Variants in DPYD observed in about 807,000 individuals in gnomAD.
The protein encoded by DPYD is dihydropyrimidine dehydrogenase [NADP(+)].
DPYD carries 109 observed loss-of-function variants against 116.2 expected under a neutral mutation model. That is an observed-to-expected ratio of 0.94 (90% confidence interval 0.80 to 1.10). The LOEUF (loss-of-function observed/expected upper bound fraction) is 1.10. Ranked by LOEUF, DPYD falls within the 50% of genes least tolerant of loss-of-function variation. The probability of loss-of-function intolerance (pLI) is 0.00; values close to 1 mark genes in which losing one functional copy is unlikely to be tolerated. For synonymous variants in DPYD, 440 were observed against 432.0 expected, an observed-to-expected ratio of 1.02 and a Z score of -0.23; for missense variants, 1,302 against 1,254.5, an observed-to-expected ratio of 1.04 and a Z score of -0.57.
At chr1:97,496,265 G>GTA (rs1334097298) in intron 13 of DPYD, among the ~76,000 whole-genome samples, 2 of 151,882 alleles carry the variant, frequency 1.3e-5, no homozygotes, top group Non-Finnish European at 2.9e-5. Flanking sequence ...CTTCCTTACT[G>GTA]TATTACACTG....
intron 21 of DPYD, among the ~76,000 whole-genome samples, chr1:97,089,527 C>G (rs1431289337): frequency 6.6e-6 from 1 of 152,126 alleles, no homozygotes; most frequent in Non-Finnish European, 1.5e-5. Context: ...AGAAGGAAAT[C>G]TTTATACTCA....
intron 2 of DPYD, among the ~76,000 whole-genome samples, chr1:97,846,989 C>G (rs1301400878): frequency 6.6e-6 from 1 of 152,118 alleles, no homozygotes; most frequent in Admixed American, 6.6e-5. Flanking sequence ...GGATGGCTGC[C>G]CCAGGTATCA....
At chr1:97,838,748 G>C (rs1012033120) in intron 2 of DPYD, among the ~76,000 whole-genome samples, 1 of 152,196 alleles carries the variant, frequency 6.6e-6, no homozygotes, top group South Asian at 2.1e-4. Context: ...GGGAGGCTGA[G>C]GCAGGAGAAT....
chr1:97,485,440 GATCC>G (rs1210413904), intron 13 of DPYD, among the ~76,000 whole-genome samples: 1 of 152,188 alleles, frequency 6.6e-6, no homozygotes, highest in East Asian at 1.9e-4. Flanking sequence ...GAGCTCAGGT[GATCC>G]ACCCACCTTA....
intron 12 of DPYD, among the ~76,000 whole-genome samples, chr1:97,522,891 T>C (rs961657387): frequency 5.3e-5 from 8 of 152,284 alleles, no homozygotes; most frequent in African/African-American, 1.9e-4. Flanking sequence ...ATTTTTATCT[T>C]TAATAATTAT....
intron 3 of DPYD, among the ~76,000 whole-genome samples, chr1:97,771,335 G>A (rs1001155198): frequency 5.3e-5 from 8 of 152,188 alleles, no homozygotes; most frequent in South Asian, 2.1e-4. Flanking sequence ...TGCTGTTAGC[G>A]GCTGCATCAA....
chr1:97,267,102 C>T lies in DPYD; in HGVS notation c.2300-32108G>A, dbSNP rs552424914. 1.2e-4 allele frequency among the ~76,000 whole-genome samples: 18 copies of T among 152,236 alleles called. No individual in the cohort carries two copies. The South Asian group carries it at 3.7e-3, about 32-fold the overall frequency. ...TAGTTCTAGATCCTTGAGGAATTGCCACACTGTCTTCCACAATGGTTGAAC... is the reference window on the plus strand; with the variant it reads ...TAGTTCTAGATCCTTGAGGAATTGCTACACTGTCTTCCACAATGGTTGAAC... On this transcript the variant is annotated intron_variant, in intron 18 of 22. Coordinates refer to ENST00000370192, the MANE Select transcript of DPYD (RefSeq NM_000110.4).
chr1:97,151,762 C>A (rs371357664), intron 20 of DPYD, among the ~76,000 whole-genome samples: 1 of 152,042 alleles, frequency 6.6e-6, no homozygotes, highest in Non-Finnish European at 1.5e-5. Flanking sequence ...ATGCAATCAG[C>A]TATTAATACA....
intron 14 of DPYD, among the ~76,000 whole-genome samples, chr1:97,421,955 G>A (rs1022149062): frequency 8.5e-5 from 13 of 152,222 alleles, no homozygotes; most frequent in African/African-American, 2.9e-4. Context: ...TGGGAGCACA[G>A]AAATACAGAA....
intron 1 of DPYD, among the ~76,000 whole-genome samples, chr1:97,906,546 T>C (rs1232101893): frequency 1.3e-5 from 2 of 152,102 alleles, no homozygotes; most frequent in Non-Finnish European, 2.9e-5. Flanking sequence ...AATTGAACTA[T>C]GGAATAATAT....
intron 8 of DPYD, among the ~76,000 whole-genome samples, chr1:97,660,824 C>T (rs1415331443): frequency 5.3e-5 from 8 of 152,212 alleles, no homozygotes; most frequent in South Asian, 4.1e-4. Context: ...CTTTCAAAAG[C>T]GAACATTTCT....
chr1:97,713,895 G>A (rs928306707), intron 5 of DPYD, among the ~76,000 whole-genome samples: 2 of 152,118 alleles, frequency 1.3e-5, no homozygotes, highest in African/African-American at 2.4e-5. Context: ...TGGGATAATA[G>A]GGCAAGTGTG....
intron 20 of DPYD, among the ~76,000 whole-genome samples, chr1:97,191,949 C>A (rs138362127): frequency 1.3e-5 from 2 of 152,208 alleles, no homozygotes; most frequent in East Asian, 3.9e-4. Flanking sequence ...TTGCTAATTA[C>A]AATATTATAA....
intron 8 of DPYD, among the ~76,000 whole-genome samples, chr1:97,666,434 C>T (rs1024876018): frequency 6.6e-6 from 1 of 152,160 alleles, no homozygotes; most frequent in Non-Finnish European, 1.5e-5. Context: ...GCTGGGATTA[C>T]AGGCATGAAC....
chr1:97,368,893 A>G (rs1325138543), intron 16 of DPYD, among the ~76,000 whole-genome samples: 1 of 152,222 alleles, frequency 6.6e-6, no homozygotes, highest in Non-Finnish European at 1.5e-5. Context: ...AGGGAAGGCC[A>G]TATCTTGTCA....
At chr1:97,400,945 G>A (rs921594422) in intron 14 of DPYD, among the ~76,000 whole-genome samples, 1 of 152,034 alleles carries the variant, frequency 6.6e-6, no homozygotes, top group Admixed American at 6.6e-5. Flanking sequence ...ACGAATGAGA[G>A]CTCCTTTGCT....
At chr1:97,902,215 C>A (rs1054851968) in intron 1 of DPYD, among the ~76,000 whole-genome samples, 6 of 151,754 alleles carry the variant, frequency 4.0e-5, no homozygotes, top group African/African-American at 1.4e-4. Context: ...AGTAAAAGAA[C>A]AATCCATATT....
At chr1:97,083,470 G>A (rs1649306915) in intron 21 of DPYD, among the ~76,000 whole-genome samples, 3 of 151,402 alleles carry the variant, frequency 2.0e-5, no homozygotes, top group Admixed American at 2.0e-4. Flanking sequence ...TCATTATCAT[G>A]GAATTTCAAA....
At chr1:97,369,884 T>C (rs189250633) in intron 16 of DPYD, among the ~76,000 whole-genome samples, 1 of 152,152 alleles carries the variant, frequency 6.6e-6, no homozygotes, top group South Asian at 2.1e-4. Context: ...AAGTAAAATA[T>C]ACCAAAAAGC....
Sources: allele counts gnomAD v4.1 joint callset (sites outside exome capture counted in the v4.1 genomes callset), GRCh38; gene constraint gnomAD v4.1.1; transcripts MANE v1.5; gene names NCBI Gene and HGNC (gene_info 2026-07-23, HGNC 2026-07-21).